The following AFF4 variants were observed in gnomAD, a reference collection of about 807,000 sequenced individuals.
The protein encoded by AFF4 is ALF transcription elongation factor 4.
AFF4 carries 13 observed loss-of-function variants against 124.8 expected under a neutral mutation model. That is an observed-to-expected ratio of 0.10 (90% CI 0.07 to 0.17). The LOEUF (loss-of-function observed/expected upper bound fraction) is 0.17. Ranked by LOEUF, AFF4 falls within the 10% of genes least tolerant of loss-of-function variation. The pLI is 1.00. For missense variants in AFF4, 1,092 were observed against 1,403.8 expected (o/e 0.78, Z 3.55); for synonymous variants, 477 against 496.1 (o/e 0.96, Z 0.51).
At position 132,896,501 on chromosome 5, in the gene AFF4, T is replaced by C; in HGVS notation, c.2129A>G (p.Asp710Gly). The C allele has an allele frequency of 6.2e-7, 1 of 1,614,176 alleles. No individual in the cohort carries two copies. The highest frequency in any genetic ancestry group is 1.1e-5 in the South Asian group (1 of 91,084). ...ELLSPLSEPD[D>G]RYPLIVKIDL... Reference sequence around the variant, plus strand: ...AATCTTCACAATAAGTGGGTACCTGTCATCAGGCTCACTGAGGGGTGAAAG... The same window carrying C: ...AATCTTCACAATAAGTGGGTACCTGCCATCAGGCTCACTGAGGGGTGAAAG... The change falls in exon 11 of 21, where the codon GAC becomes GGC. Residue 710 changes from aspartate to glycine, a missense_variant. Coordinates refer to ENST00000265343, the MANE Select transcript of AFF4 (RefSeq NM_014423.4).
At chr5:132,886,695 T>C (rs193296773) in intron 17 of AFF4, among the ~76,000 whole-genome samples, 24 of 152,268 alleles carry the variant, frequency 1.6e-4, no homozygotes, top group Non-Finnish European at 3.2e-4. Flanking sequence ...TACGAAGGGG[T>C]AGAATTTCCA....
In AFF4 at chr5:132,904,402, C is replaced by T; in HGVS notation, c.1053G>A (p.Glu351=). The T allele has an allele frequency of 6.2e-7, 1 of 1,607,852 alleles. No individual in the cohort carries two copies. The highest frequency in any genetic ancestry group is 8.5e-7 in the Non-Finnish European group (1 of 1,177,610). Residue 351 remains glutamate (E), a splice_region_variant and synonymous_variant, in exon 6 of 21, where the codon GAG becomes GAA. Coordinates refer to ENST00000265343, the MANE Select transcript of AFF4 (RefSeq NM_014423.4). ...EPSKFPFPTK[E]SQQSNFGTGE... ...CAGTGCCAAAATTGGACTGCTGAGACTCCTAAGAAAAAGGAACATAAAATT... is the reference window on the plus strand; with the variant it reads ...CAGTGCCAAAATTGGACTGCTGAGATTCCTAAGAAAAAGGAACATAAAATT...
chr5:132,905,311 GC>G (rs1273871403), intron 5 of AFF4, among the ~76,000 whole-genome samples: 17 of 152,158 alleles, frequency 1.1e-4, no homozygotes, highest in African/African-American at 4.1e-4. Context: ...GACCAGAACA[GC>G]TGTTCCATAT....
intron 1 of AFF4, among the ~76,000 whole-genome samples, chr5:132,957,497 C>T (rs1479318771): frequency 2.0e-5 from 3 of 151,926 alleles, no homozygotes; most frequent in Non-Finnish European, 2.9e-5. Flanking sequence ...CTTTGGGAGG[C>T]CGAGGCAGGC....
intron 2 of AFF4, among the ~76,000 whole-genome samples, chr5:132,936,242 G>A (rs1339721555): frequency 1.4e-5 from 2 of 139,244 alleles, no homozygotes; most frequent in Non-Finnish European, 3.0e-5. Flanking sequence ...ACTCCAACCT[G>A]GGCGACAGAG....
At chr5:132,931,406 G>A (rs1397739727) in intron 4 of AFF4, among the ~76,000 whole-genome samples, 5 of 152,120 alleles carry the variant, frequency 3.3e-5, no homozygotes, top group Non-Finnish European at 7.3e-5. Context: ...TCCAGACTGG[G>A]TAACAGAGTG....
chr5:132,963,577 C>T lies in AFF4; in HGVS notation c.-323G>A, dbSNP rs1459193697. On this transcript the variant is annotated 5_prime_UTR_variant, in exon 1 of 21. Transcript: ENST00000265343. The stretch of plus-strand genomic sequence containing the variant: ...GAAGACCTGGCACCAGGATCCCCGC[C>T]CCGTCCGCTGGCGGCGGCGACGGCA... 2 of 397,796 alleles carry T rather than the reference C, an allele frequency of 5.0e-6. No homozygotes were observed. Among genetic ancestry groups the T allele is most frequent in the Non-Finnish European group, 8.9e-6 (2 of 225,610 alleles). The allele number at this position is 397,796 out of a possible 1,614,324, so 24.6% of individuals were successfully genotyped here.
At position 132,876,053 on chromosome 5, in the gene AFF4, C is replaced by T. The variant is rs1476922509; in HGVS notation, c.*5006G>A. ...CAATAAATATATAAGCATTTCCATC[C>T]TCCATATACAAAATTTCTTAAAACC... is the stretch of plus-strand genomic sequence containing the variant. On this transcript the variant is annotated 3_prime_UTR_variant, in exon 21 of 21. Coordinates refer to ENST00000265343, the MANE Select transcript of AFF4 (RefSeq NM_014423.4). The T allele has an allele frequency of 1.3e-5, 3 of 225,354 alleles. No homozygotes were observed. Among genetic ancestry groups the T allele is most frequent in the African/African-American group, 6.7e-5 (3 of 44,816 alleles). 14.0% of individuals were successfully genotyped at this position (225,354 alleles called of 1,614,324 possible).
rs747164115 is a variant in AFF4, at chr5:132,877,962, C to T, written c.*3097G>A. On this transcript the variant is annotated 3_prime_UTR_variant, in exon 21 of 21. Coordinates refer to ENST00000265343, the MANE Select transcript of AFF4 (RefSeq NM_014423.4). ...AGAAACACAGGTGTCTGTGGGCTCACGCACACTGCTCTCAATTGTTTTTAC... is the reference window on the plus strand; with the variant it reads ...AGAAACACAGGTGTCTGTGGGCTCATGCACACTGCTCTCAATTGTTTTTAC... 32 of 224,788 alleles carry T rather than the reference C, an allele frequency of 1.4e-4. No individual in the cohort carries two copies. The highest frequency in any genetic ancestry group is 2.4e-4 in the Non-Finnish European group (27 of 112,624). 13.9% of individuals were successfully genotyped at this position (224,788 alleles called of 1,614,324 possible). A position where few individuals can be genotyped will look rare whatever the true frequency, so the allele number is the denominator to read the frequency against.
intron 1 of AFF4, among the ~76,000 whole-genome samples, chr5:132,947,632 C>T (rs1488548963): frequency 6.6e-6 from 1 of 152,064 alleles, no homozygotes; most frequent in Non-Finnish European, 1.5e-5. Context: ...ATTTTCAAAC[C>T]CAGTATATTA....
Position 132,896,585 on chromosome 5 carries a change from T to C in AFF4, c.2045A>G (p.Glu682Gly), listed in dbSNP as rs1211755639. ...NRTPVKPSSV[E>G]EEDSFFRQRM... ...TTGCCGAAAAAAGCTATCTTCTTCC[T>C]CCACTGAGGAGGGTTTAACAGGAGT... Residue 682 changes from glutamate (E) to glycine (G), a missense_variant, in exon 11 of 21, where the codon GAG (glutamate) becomes GGG (glycine). Around this residue, in one of 11 missense-constraint regions of AFF4, gnomAD observed 293 missense variants for 280.2 expected, o/e 1.05. Transcript: ENST00000265343. 4 of 1,613,918 alleles carry C rather than the reference T, an allele frequency of 2.5e-6. No homozygotes were observed. Among genetic ancestry groups the C allele is most frequent in the Non-Finnish European group, 3.4e-6 (4 of 1,180,016 alleles).
intron 11 of AFF4, among the ~76,000 whole-genome samples, chr5:132,894,876 C>T (rs946007268): frequency 1.3e-5 from 2 of 152,292 alleles, no homozygotes; most frequent in East Asian, 1.9e-4. Flanking sequence ...ATCACTTGAA[C>T]CCGGCAGTTT....
intron 5 of AFF4, among the ~76,000 whole-genome samples, chr5:132,915,241 T>C (rs1331525741): frequency 4.6e-5 from 7 of 151,566 alleles, no homozygotes; most frequent in African/African-American, 1.7e-4. Context: ...CTCAGGAGGC[T>C]GAGGCAGGAG....
At position 132,954,546 on chromosome 5, in the gene AFF4, C is replaced by CTTTTTTTTTT. The variant is rs1204231856; in HGVS notation, c.-5+8703_-5+8712dup. Among the ~76,000 whole-genome samples, 28 of 122,128 alleles carry CTTTTTTTTTT rather than the reference C, an allele frequency of 2.3e-4. 1 individual carries two copies. Among genetic ancestry groups the CTTTTTTTTTT allele is most frequent in the Non-Finnish European group, 4.1e-4 (24 of 59,186 alleles). 80.1% of individuals were successfully genotyped at this position (122,128 alleles called of 152,430 possible). On this transcript the variant is annotated intron_variant, in intron 1 of 20. Transcript: ENST00000265343. ...GAGGGTGTGTGTTACAAACAATGCT[C>CTTTTTTTTTT]TTTTTTTTTTTTTTTTTTTGAGACG... is the stretch of plus-strand genomic sequence containing the variant.
At chr5:132,895,811 G>A (rs771815556) in intron 11 of AFF4, among the ~76,000 whole-genome samples, 2 of 152,182 alleles carry the variant, frequency 1.3e-5, no homozygotes, top group Non-Finnish European at 2.9e-5. Flanking sequence ...TATCTTGGAA[G>A]TATTTAGGGA....
In AFF4 at chr5:132,926,015, AAC is replaced by A. The variant is rs1208375635; in HGVS notation, c.1050+1104_1050+1105del. On this transcript the variant is annotated intron_variant, in intron 5 of 20. Coordinates refer to ENST00000265343, the MANE Select transcript of AFF4 (RefSeq NM_014423.4). ...AATACCAAAGAGAAATGGCTAAATAAACTAGGATATATTAACACTAAAGATGC... is the reference window on the plus strand; with the variant it reads ...AATACCAAAGAGAAATGGCTAAATAATAGGATATATTAACACTAAAGATGC... Among the ~76,000 whole-genome samples, 65 of 152,210 alleles carry A rather than the reference AAC, an allele frequency of 4.3e-4. 1 individual carries two copies. The highest frequency in any genetic ancestry group is 2.5e-4 in the Non-Finnish European group (17 of 68,028).
chr5:132,890,290 G>C (rs1328669079), intron 13 of AFF4, among the ~76,000 whole-genome samples: 1 of 151,820 alleles, frequency 6.6e-6, no homozygotes, highest in Non-Finnish European at 1.5e-5. Context: ...ATTTGTTTGA[G>C]AAAGGGTCTC....
At chr5:132,919,861 A>C (rs925064904) in intron 5 of AFF4, among the ~76,000 whole-genome samples, 12 of 152,136 alleles carry the variant, frequency 7.9e-5, no homozygotes, top group Admixed American at 6.5e-4. Flanking sequence ...AACAGAAAAG[A>C]AAGCCTAGGA....
chr5:132,952,313 T>C (rs1761863349), intron 1 of AFF4, among the ~76,000 whole-genome samples: 1 of 152,220 alleles, frequency 6.6e-6, no homozygotes. Flanking sequence ...GTTTCCGATT[T>C]CCCACATCAT....
Sources: allele counts gnomAD v4.1 joint callset (sites outside exome capture counted in the v4.1 genomes callset), GRCh38; gene constraint gnomAD v4.1.1; regional missense constraint gnomAD v4.1.1; transcripts MANE v1.5; gene names NCBI Gene and HGNC (gene_info 2026-07-23, HGNC 2026-07-21).